Variants in RNF168 observed in about 807,000 individuals in gnomAD.
RNF168 encodes E3 ubiquitin-protein ligase RNF168.
In RNF168, 34 loss-of-function variants were observed where a neutral mutation model predicts 34.9. The observed-to-expected ratio is 0.97, with a 90% CI of 0.74 to 1.30. The LOEUF is 1.30. Ranked by LOEUF, RNF168 falls within the 50% of genes most tolerant of loss-of-function variation. The pLI, the probability that RNF168 is intolerant of heterozygous loss-of-function variation, is 0.00. For missense variants in RNF168, 725 were observed against 682.5 expected, an observed-to-expected ratio of 1.06 and a Z score of -0.69; for synonymous variants, 264 against 254.7, an observed-to-expected ratio of 1.04 and a Z score of -0.35.
In RNF168 at chr3:196,475,636, C is replaced by T. The variant is rs576939626; in HGVS notation, c.681-324G>A. Among the ~76,000 whole-genome samples, 164 of 149,662 alleles carry T rather than the reference C, an allele frequency of 1.1e-3. 1 individual carries two copies. The East Asian group carries it at 0.025, about 23-fold the overall frequency. On this transcript the variant is annotated intron_variant, in intron 4 of 5. Coordinates refer to ENST00000318037, the MANE Select transcript of RNF168 (RefSeq NM_152617.4). ...TGTGATCTCCGCTCACTGCAAGCTC[C>T]GCCTCCCGAGTTCACGCCATTCTCC...
At position 196,489,727 on chromosome 3, in the gene RNF168, A is replaced by C. The variant is rs150087333; in HGVS notation, c.302-1044T>G. On this transcript the variant is annotated intron_variant, in intron 1 of 5. Coordinates refer to ENST00000318037, the MANE Select transcript of RNF168 (RefSeq NM_152617.4). ...GAAGGAAAAGAAATCCTTGAAAGGG[A>C]AGACTACAGCTGAGGTAGAATTAGA... Among the ~76,000 whole-genome samples the C allele has an allele frequency of 2.6e-3, 390 of 152,348 alleles. 3 individuals carry two copies. Among genetic ancestry groups the C allele is most frequent in the African/African-American group, 8.7e-3 (362 of 41,580 alleles).
chr3:196,472,552 A>T lies in RNF168; in HGVS notation c.983T>A (p.Leu328Ter). Residue 328 changes from leucine to a stop codon, truncating the protein, a stop_gained, in exon 6 of 6, where the codon TTA becomes TAA. Coordinates refer to ENST00000318037, the MANE Select transcript of RNF168 (RefSeq NM_152617.4). LOFTEE classifies it low-confidence loss of function (END_TRUNC). ...PSNHGKELCV[L>*]SHERPKTRVP... ...TCTGGTTTTAGGTCGCTCGTGACTT[A>T]AGACACATAACTCTTTCCCATGATT... 6.2e-7 allele frequency: 1 copy of T among 1,614,200 alleles called. No homozygotes were observed.
In RNF168 at chr3:196,472,309, T is replaced by A; in HGVS notation, c.1226A>T (p.Lys409Ile). 1 of 1,614,100 alleles carries A rather than the reference T, an allele frequency of 6.2e-7. No individual in the cohort carries two copies. The highest frequency in any genetic ancestry group is 8.5e-7 in the Non-Finnish European group (1 of 1,179,956). Reference sequence around the variant, plus strand: ...ATCTGGGGAAGATTCGGGGGACACTTTTCTTCTTTTTGCAGAAAAGCATGG... The same window carrying A: ...ATCTGGGGAAGATTCGGGGGACACTATTCTTCTTTTTGCAGAAAAGCATGG... ...KDPCFSAKRR[K>I]VSPESSPDQE... The change falls in exon 6 of 6, where the codon AAA becomes ATA. Residue 409 changes from lysine (K) to isoleucine (I), a missense_variant. By Grantham distance (102) the Lys-to-Ile change is moderately radical. Coordinates refer to ENST00000318037, the MANE Select transcript of RNF168 (RefSeq NM_152617.4).
In RNF168 at chr3:196,475,392, G is replaced by T. The variant is rs908434312; in HGVS notation, c.681-80C>A. Reference sequence around the variant, plus strand: ...CCAACATAATAAAGCTATTTATACCGAAGGTTGTCTGGTTTGCTGCTTGGC... The same window carrying T: ...CCAACATAATAAAGCTATTTATACCTAAGGTTGTCTGGTTTGCTGCTTGGC... On this transcript the variant is annotated intron_variant, in intron 4 of 5. Transcript: ENST00000318037. The T allele has an allele frequency of 2.0e-5, 17 of 832,078 alleles. No homozygotes were observed. In the South Asian group the frequency reaches 2.1e-4, roughly 10 times the overall value. The allele number at this position is 832,078 out of a possible 1,614,324, so 51.5% of individuals were successfully genotyped here.
rs750610344 is a variant in RNF168, at chr3:196,472,103, C to T, written c.1432G>A (p.Ala478Thr). ...ACTTTGTCTGGAGGGGAGGATGTAGCGCGTAAGTGATACTCATCTGGGGAT... is the reference window on the plus strand; with the variant it reads ...ACTTTGTCTGGAGGGGAGGATGTAGTGCGTAAGTGATACTCATCTGGGGAT... ...KGSPDEYHLR[A>T]TSSPPDKVLN... The change falls in exon 6 of 6, where the codon GCT becomes ACT. Residue 478 changes from alanine to threonine, a missense_variant. Physicochemically the swap from Ala to Thr is moderately conservative, Grantham distance 58. Coordinates refer to ENST00000318037, the MANE Select transcript of RNF168 (RefSeq NM_152617.4). 9.3e-6 allele frequency: 15 copies of T among 1,613,558 alleles called. 1 individual carries two copies. Among genetic ancestry groups the T allele is most frequent in the South Asian group, 5.5e-5 (5 of 90,930 alleles).
intron 1 of RNF168, among the ~76,000 whole-genome samples, chr3:196,498,522 C>T (rs1232382577): frequency 1.3e-5 from 2 of 152,108 alleles, no homozygotes; most frequent in Non-Finnish European, 2.9e-5. Flanking sequence ...ACCCTGAAAA[C>T]ATAAGGCCAC....
At chr3:196,484,483 T>G (rs1732376971) in intron 3 of RNF168, among the ~76,000 whole-genome samples, 1 of 139,442 alleles carries the variant, frequency 7.2e-6, no homozygotes, top group Non-Finnish European at 1.5e-5. Context: ...CTTTTTTTTT[T>G]TTTTTTTTTT....
intron 1 of RNF168, among the ~76,000 whole-genome samples, chr3:196,495,846 T>C (rs1381212763): frequency 1.3e-5 from 2 of 152,244 alleles, no homozygotes; most frequent in Non-Finnish European, 2.9e-5. Flanking sequence ...AAAGGAAATT[T>C]AGACATTCTA....
At chr3:196,487,628 C>A in intron 2 of RNF168, 50 bp from the exon 3 acceptor site, 1 of 1,514,310 alleles carries the variant, frequency 6.6e-7, no homozygotes, top group Non-Finnish European at 9.2e-7. Context: ...TTTTGGTATA[C>A]TTGCAATATT....
chr3:196,488,999 C>A (rs760981075), intron 1 of RNF168, among the ~76,000 whole-genome samples: 37 of 152,210 alleles, frequency 2.4e-4, no homozygotes, highest in Non-Finnish European at 4.4e-4. Context: ...GGATTACAGG[C>A]ATGCGCCACC....
intron 3 of RNF168, among the ~76,000 whole-genome samples, chr3:196,486,627 C>A (rs1253402149): frequency 6.6e-6 from 1 of 152,088 alleles, no homozygotes; most frequent in Non-Finnish European, 1.5e-5. Flanking sequence ...AGCCATCGCA[C>A]CCTGGCAAGA....
In RNF168 at chr3:196,488,663, G is replaced by C; in HGVS notation, c.322C>G (p.Arg108Gly). Residue 108 changes from arginine (R) to glycine (G), a missense_variant, in exon 2 of 6, where the codon CGT (arginine) becomes GGT (glycine). Transcript: ENST00000318037. ...EEVADDYQPVRLLSKPGELRR... is the reference protein window; with the variant it reads ...EEVADDYQPVGLLSKPGELRR... ...AGTTCCCCAGGTTTACTGAGCAGAC[G>C]AACTGGCTGATAGTCATCAGCTATT... 1 of 1,605,028 alleles carries C rather than the reference G, an allele frequency of 6.2e-7. No individual in the cohort carries two copies. Among genetic ancestry groups the C allele is most frequent in the Non-Finnish European group, 8.5e-7 (1 of 1,172,588 alleles).
intron 1 of RNF168, among the ~76,000 whole-genome samples, chr3:196,497,296 C>T (rs182368105): frequency 7.2e-5 from 11 of 152,094 alleles, no homozygotes; most frequent in African/African-American, 2.7e-4. Flanking sequence ...AACTGATACC[C>T]ATATGGGAAA....
intron 1 of RNF168, among the ~76,000 whole-genome samples, chr3:196,494,344 C>T (rs10470716): frequency 0.021 from 3,268 of 152,250 alleles, 123 homozygotes; most frequent in African/African-American, 0.075. Flanking sequence ...TTTGCTTCTT[C>T]GCAGCAAGTG....
At chr3:196,488,853 TTTTA>T (rs1448793172) in intron 1 of RNF168, among the ~76,000 whole-genome samples, 170 bp from the exon 2 acceptor site, 1 of 152,092 alleles carries the variant, frequency 6.6e-6, no homozygotes, top group Admixed American at 6.6e-5. Flanking sequence ...TTTAGATTTA[TTTTA>T]TTTATTTTTT....
chr3:196,483,141 TCTC>T (rs1403888900), intron 4 of RNF168, among the ~76,000 whole-genome samples: 1 of 152,022 alleles, frequency 6.6e-6, no homozygotes, highest in African/African-American at 2.4e-5. Context: ...AACATTCTCT[TCTC>T]CTAAGCTTCC....
chr3:196,479,074 A>T (rs1332306811), intron 4 of RNF168, among the ~76,000 whole-genome samples: 2 of 148,814 alleles, frequency 1.3e-5, no homozygotes, highest in African/African-American at 5.0e-5. Context: ...GCAGTGGTGC[A>T]GTCTCAGCTC....
chr3:196,493,855 A>ATT (rs376320330), intron 1 of RNF168, among the ~76,000 whole-genome samples: 1,355 of 128,170 alleles, frequency 0.011, 29 homozygotes, highest in African/African-American at 0.041. Context: ...TTTTAAATTT[A>ATT]TTTTTTTTTT....
intron 4 of RNF168, among the ~76,000 whole-genome samples, chr3:196,481,682 GTTTTTTTTTTTTTT>G (rs34739638): frequency 6.4e-5 from 4 of 62,362 alleles, no homozygotes; most frequent in Non-Finnish European, 1.1e-4. Flanking sequence ...TTTCAGCTGC[GTTTTTTTTTTTTTT>G]TTTTTTTTTT....
Sources: gnomAD v4.1 joint callset for allele counts (sites outside exome capture counted in the v4.1 genomes callset) on GRCh38, gnomAD v4.1.1 for gene constraint, MANE v1.5 for transcripts, NCBI Gene and HGNC (gene_info 2026-07-23, HGNC 2026-07-21) for gene names.